SHISA5: variants seen among roughly 807,000 people sequenced by gnomAD.
SHISA5 encodes the protein protein shisa-5.
Under a neutral mutation model 27.5 loss-of-function variants are expected in SHISA5, and 21 were observed. The observed-to-expected ratio is 0.76, with a 90% CI of 0.54 to 1.10. The LOEUF is 1.10. Among genes scored for constraint, SHISA5 ranks in the 50% least tolerant of loss-of-function variants. SHISA5 has a pLI of 0.00. For missense variants in SHISA5, 314 were observed against 336.3 expected, an observed-to-expected ratio of 0.93 and a Z score of 0.52; for synonymous variants, 137 against 142.2, an observed-to-expected ratio of 0.96 and a Z score of 0.26.
chr3:48,498,899 C>A (rs201316142), intron 2 of SHISA5, among the ~76,000 whole-genome samples: 1 of 150,734 alleles, frequency 6.6e-6, no homozygotes, highest in African/African-American at 2.4e-5. Flanking sequence ...CTGGCCAACA[C>A]GGTGAAACCC....
intron 2 of SHISA5, among the ~76,000 whole-genome samples, chr3:48,481,992 C>T (rs1467258881): frequency 6.6e-5 from 10 of 150,572 alleles, no homozygotes; most frequent in Admixed American, 3.3e-4. Flanking sequence ...TGGTGTGAAC[C>T]CGGGAGGCAG....
intron 2 of SHISA5, among the ~76,000 whole-genome samples, chr3:48,499,975 C>A (rs1461773936): frequency 6.6e-6 from 1 of 150,904 alleles, no homozygotes; most frequent in Non-Finnish European, 1.5e-5. Context: ...CCCTGTGCAC[C>A]ACTCCCAAGA....
At chr3:48,501,772 C>T (rs1360996148) in intron 1 of SHISA5, among the ~76,000 whole-genome samples, 1 of 152,168 alleles carries the variant, frequency 6.6e-6, no homozygotes, top group African/African-American at 2.4e-5. Context: ...GGCCCTACTC[C>T]AGGTGGCCTC....
At chr3:48,503,031 T>C in intron 1 of SHISA5, 1 of 1,154,500 alleles carries the variant, frequency 8.7e-7, no homozygotes, top group Non-Finnish European at 1.2e-6. Context: ...AGAACCCTGC[T>C]CTGGGCAAAG....
At chr3:48,476,928 G>A (rs1395994199) in intron 3 of SHISA5, 6 of 366,242 alleles carry the variant, frequency 1.6e-5, no homozygotes, top group Middle Eastern at 4.1e-4. Context: ...CGGCAGCTGG[G>A]CTAACAGAAC....
chr3:48,469,414 G>A lies in SHISA5; in HGVS notation c.590C>T (p.Pro197Leu), dbSNP rs2040509340. The A allele has an allele frequency of 1.2e-6, 2 of 1,610,598 alleles. No individual in the cohort carries two copies. The highest frequency in any genetic ancestry group is 2.2e-5 in the South Asian group (2 of 90,682). ...PAAPYPMQYPPPYPAQPMGPP... is the reference protein window; with the variant it reads ...PAAPYPMQYPLPYPAQPMGPP... The stretch of plus-strand genomic sequence containing the variant: ...GCCCATGGGCTGGGCTGGGTAAGGT[G>A]GTGGGTACTGCATTGGGTAGGGTGC... The change falls in exon 5 of 6, where the codon CCA becomes CTA. Residue 197 changes from proline (P) to leucine (L), a missense_variant. Transcript: ENST00000296444. The surrounding 1 kb of genome is among the most constrained non-coding windows in gnomAD (Gnocchi z 4.6).
In SHISA5 at chr3:48,467,977, G is replaced by A. The variant is rs1325747697; in HGVS notation, c.*1130C>T. The A allele has an allele frequency of 3.7e-6, 1 of 272,310 alleles. No homozygotes were observed. Among genetic ancestry groups the A allele is most frequent in the Admixed American group, 5.1e-5 (1 of 19,566 alleles). 16.9% of individuals were successfully genotyped at this position (272,310 alleles called of 1,614,324 possible). A position where few individuals can be genotyped will look rare whatever the true frequency, so the allele number is the denominator to read the frequency against. On this transcript the variant is annotated 3_prime_UTR_variant, in exon 6 of 6. Transcript: ENST00000296444. ...CTCTGGTGAAACAGTAATAGAGGGA[G>A]GAGGAACACGAGGTATTCATGTCTG... is the stretch of plus-strand genomic sequence containing the variant.
chr3:48,485,132 G>A (rs560373330), intron 2 of SHISA5, among the ~76,000 whole-genome samples: 10 of 152,120 alleles, frequency 6.6e-5, no homozygotes, highest in African/African-American at 2.2e-4. Context: ...CCGTGATCAT[G>A]CCACTACACT....
At chr3:48,497,013 T>C (rs984954071) in intron 2 of SHISA5, among the ~76,000 whole-genome samples, 15 of 151,788 alleles carry the variant, frequency 9.9e-5, no homozygotes, top group Non-Finnish European at 2.2e-4. Flanking sequence ...GTGGATCACC[T>C]GAGGCCAAGA....
At position 48,481,654 on chromosome 3, in the gene SHISA5, T is replaced by G. The variant is rs1019429550; in HGVS notation, c.234-2397A>C. Among the ~76,000 whole-genome samples the G allele has an allele frequency of 3.3e-5, 5 of 149,732 alleles. No individual in the cohort carries two copies. In the East Asian group the frequency reaches 8.0e-4, roughly 24 times the overall value. The stretch of plus-strand genomic sequence containing the variant: ...AACTACAAAAATTAGCCTGGTGTGG[T>G]GGTGGCCGCCTGTAATCCGCTACTC... On this transcript the variant is annotated intron_variant, in intron 2 of 5. Transcript: ENST00000296444.
At chr3:48,480,517 T>TG (rs969466210) in intron 2 of SHISA5, among the ~76,000 whole-genome samples, 8 of 151,920 alleles carry the variant, frequency 5.3e-5, no homozygotes, top group Admixed American at 2.6e-4. Flanking sequence ...TATCAAGAAA[T>TG]GGGGGGGCCG....
At chr3:48,486,452 A>T (rs377626745) in intron 2 of SHISA5, among the ~76,000 whole-genome samples, 1 of 104,972 alleles carries the variant, frequency 9.5e-6, no homozygotes, top group African/African-American at 4.0e-5. Flanking sequence ...AATATTATAT[A>T]TTATATATTT....
At chr3:48,478,493 C>T (rs1290654271) in intron 3 of SHISA5, among the ~76,000 whole-genome samples, 6 of 152,110 alleles carry the variant, frequency 3.9e-5, no homozygotes, top group Non-Finnish European at 8.8e-5. Context: ...GGAACAGACC[C>T]AGGCAGGAAA....
chr3:48,472,620 CTT>C (rs2040676177), intron 3 of SHISA5, among the ~76,000 whole-genome samples: 1 of 152,184 alleles, frequency 6.6e-6, no homozygotes, highest in East Asian at 1.9e-4. Context: ...ACTCTAGGAG[CTT>C]TGTTAGCTGT....
chr3:48,477,066 C>G (rs2040850989), intron 3 of SHISA5: 1 of 452,690 alleles, frequency 2.2e-6, no homozygotes, highest in Non-Finnish European at 4.4e-6. Flanking sequence ...TCCGCACTGT[C>G]TCCTCCTTGT....
At position 48,501,129 on chromosome 3, in the gene SHISA5, G is replaced by T. The variant is rs1421726687; in HGVS notation, c.233+8C>A. ...GCCACCCACCCTGTGACCCACTGGT[G>T]CACCCACCTGGCCTCAGGCACAGCA... On this transcript the variant is annotated splice_region_variant and intron_variant, in intron 2 of 5. Coordinates refer to ENST00000296444, the MANE Select transcript of SHISA5 (RefSeq NM_016479.6). 6.2e-7 allele frequency: 1 copy of T among 1,607,642 alleles called. No homozygotes were observed. The highest frequency in any genetic ancestry group is 1.7e-5 in the Admixed American group (1 of 59,002).
At position 48,473,343 on chromosome 3, in the gene SHISA5, A is replaced by G. The variant is rs2040711506; in HGVS notation, c.315-3500T>C. 2 of 1,377,842 alleles carry G rather than the reference A, an allele frequency of 1.5e-6. No individual in the cohort carries two copies. Among genetic ancestry groups the G allele is most frequent in the East Asian group, 3.7e-5 (1 of 26,876 alleles). 85.4% of individuals were successfully genotyped at this position (1,377,842 alleles called of 1,614,324 possible). A position where few individuals can be genotyped will look rare whatever the true frequency, so the allele number is the denominator to read the frequency against. ...CCTGACCTCAGAATGCAGCCTGGCC[A>G]CTAGGGGGTCTAAGAGCCACCCCAG... On this transcript the variant is annotated intron_variant, in intron 3 of 5. Transcript: ENST00000296444. The surrounding 1 kb of genome is among the most constrained non-coding windows in gnomAD (Gnocchi z 4.3).
chr3:48,483,100 T>TA (rs2041076563), intron 2 of SHISA5, among the ~76,000 whole-genome samples: 1 of 151,644 alleles, frequency 6.6e-6, no homozygotes, highest in Admixed American at 6.6e-5. Context: ...AATTTTTTTT[T>TA]TTTTTTTATT....
intron 2 of SHISA5, among the ~76,000 whole-genome samples, chr3:48,496,729 G>C (rs1045800460): frequency 2.7e-5 from 4 of 146,118 alleles, no homozygotes; most frequent in African/African-American, 1.0e-4. Flanking sequence ...GCTAGACTTC[G>C]TCTCAAAAAA....
Sources: gnomAD v4.1 joint callset for allele counts (sites outside exome capture counted in the v4.1 genomes callset) on GRCh38, gnomAD v4.1.1 for gene constraint, Gnocchi (gnomAD v3.1) non-coding constraint, MANE v1.5 for transcripts, NCBI Gene and HGNC (gene_info 2026-07-23, HGNC 2026-07-21) for gene names.